CDH13: variants seen among roughly 807,000 people sequenced by gnomAD.
CDH13 encodes cadherin-13.
Under a neutral mutation model 63.8 loss-of-function variants are expected in CDH13, and 24 were observed. The ratio of observed to expected loss-of-function variants is 0.38; its 90% CI spans 0.27 to 0.53. The LOEUF is 0.53. Among genes scored for constraint, CDH13 ranks in the 20% least tolerant of loss-of-function variants. The pLI, the probability that CDH13 is intolerant of heterozygous loss-of-function variation, is 0.85. For missense variants in CDH13, 1,049 were observed against 903.1 expected (o/e 1.16, Z -2.07); for synonymous variants, 503 against 355.3 (o/e 1.42, Z -4.67).
intron 1 of CDH13, among the ~76,000 whole-genome samples, chr16:82,701,995 T>C (rs1336807259): frequency 6.6e-6 from 1 of 152,156 alleles, no homozygotes; most frequent in East Asian, 1.9e-4. Flanking sequence ...ATAAGCGGCT[T>C]ACAAAGAGCA....
intron 1 of CDH13, among the ~76,000 whole-genome samples, chr16:82,787,221 T>C (rs2036059590): frequency 6.6e-6 from 1 of 152,190 alleles, no homozygotes; most frequent in Admixed American, 6.5e-5. Context: ...TCTAAACTTT[T>C]TAAATAATTG....
intron 2 of CDH13, among the ~76,000 whole-genome samples, chr16:82,863,868 C>G (rs2040032737): frequency 6.8e-6 from 1 of 146,902 alleles, no homozygotes; most frequent in Admixed American, 6.9e-5. Flanking sequence ...TTTTTTAAAT[C>G]CTAGATTGAT....
intron 3 of CDH13, among the ~76,000 whole-genome samples, chr16:83,107,617 G>A (rs977547474): frequency 1.4e-4 from 22 of 152,086 alleles, no homozygotes; most frequent in Admixed American, 1.3e-3. Context: ...TCAGTGCAAT[G>A]AGCATTCACA....
intron 10 of CDH13, among the ~76,000 whole-genome samples, chr16:83,707,548 C>G (rs1336977359): frequency 6.6e-6 from 1 of 152,122 alleles, no homozygotes; most frequent in Non-Finnish European, 1.5e-5. Flanking sequence ...TTTTACCATT[C>G]ACTTTAAAAC....
Position 83,748,083 on chromosome 16 carries a change from C to G in CDH13, c.1539-25C>G, listed in dbSNP as rs780052062. The G allele has an allele frequency of 1.9e-5, 31 of 1,613,382 alleles. No homozygotes were observed. The East Asian group carries it at 6.9e-4, about 36-fold the overall frequency. ...CTTGAATCTACTTTGAATGCAGAGT[C>G]TGACATTGTGGGGATTTTTTTCAGG... On this transcript the variant is annotated intron_variant, in intron 10 of 13. Coordinates refer to ENST00000567109, the MANE Select transcript of CDH13 (RefSeq NM_001257.5).
chr16:82,868,308 T>C (rs1270890119), intron 2 of CDH13, among the ~76,000 whole-genome samples: 1 of 152,214 alleles, frequency 6.6e-6, no homozygotes, highest in African/African-American at 2.4e-5. Flanking sequence ...AGTAGAAATG[T>C]TATGCTTTCA....
At chr16:83,313,032 T>A (rs927553402) in intron 5 of CDH13, among the ~76,000 whole-genome samples, 1 of 152,174 alleles carries the variant, frequency 6.6e-6, no homozygotes, top group Non-Finnish European at 1.5e-5. Flanking sequence ...GCATGGGGAA[T>A]CAGCACCCAC....
chr16:83,427,034 C>T (rs894245499), intron 6 of CDH13, among the ~76,000 whole-genome samples: 1 of 143,192 alleles, frequency 7.0e-6, no homozygotes, highest in Non-Finnish European at 1.5e-5. Flanking sequence ...TCACGCCATT[C>T]TCCTGCCTTA....
chr16:83,030,880 C>T (rs887704820), intron 2 of CDH13, among the ~76,000 whole-genome samples: 1 of 151,828 alleles, frequency 6.6e-6, no homozygotes, highest in Non-Finnish European at 1.5e-5. Flanking sequence ...TCTAGATTCC[C>T]ACCATCCCTG....
At chr16:83,591,355 T>A (rs1030486098) in intron 7 of CDH13, among the ~76,000 whole-genome samples, 4 of 152,256 alleles carry the variant, frequency 2.6e-5, no homozygotes, top group African/African-American at 7.2e-5. Flanking sequence ...AATTACTTTT[T>A]ATTTTACTTC....
intron 2 of CDH13, among the ~76,000 whole-genome samples, chr16:83,029,347 A>G (rs987473245): frequency 5.9e-5 from 9 of 152,200 alleles, no homozygotes; most frequent in South Asian, 2.1e-4. Flanking sequence ...TTGTTACCAA[A>G]AGATGTACAC....
intron 3 of CDH13, among the ~76,000 whole-genome samples, chr16:83,082,531 G>C (rs1401472891): frequency 6.6e-6 from 1 of 152,068 alleles, no homozygotes; most frequent in Non-Finnish European, 1.5e-5. Context: ...TATTTGGAAG[G>C]CTGAGGCAGG....
chr16:83,507,426 C>T (rs570895765), intron 7 of CDH13, among the ~76,000 whole-genome samples: 2 of 152,252 alleles, frequency 1.3e-5, no homozygotes, highest in South Asian at 2.1e-4. Flanking sequence ...ATTTTCAAAG[C>T]ATATTTGGCT....
chr16:82,694,029 C>T (rs1273178410), intron 1 of CDH13, among the ~76,000 whole-genome samples: 1 of 152,218 alleles, frequency 6.6e-6, no homozygotes, highest in Non-Finnish European at 1.5e-5. Flanking sequence ...TCAATGTCCA[C>T]ATCTGGATTA....
In CDH13 at chr16:83,504,980, G is replaced by T. The variant is rs143727076; in HGVS notation, c.960+18325G>T. On this transcript the variant is annotated intron_variant, in intron 7 of 13. Transcript: ENST00000567109. ...TAAATCTCCTTTCTCTGTAAAAATGGTTAAGAGGAGTGAAAAGAGAGGATG... is the reference window on the plus strand; with the variant it reads ...TAAATCTCCTTTCTCTGTAAAAATGTTTAAGAGGAGTGAAAAGAGAGGATG... Among the ~76,000 whole-genome samples, 549 of 152,154 alleles carry T rather than the reference G, an allele frequency of 3.6e-3. 4 individuals carry two copies. Among genetic ancestry groups the T allele is most frequent in the African/African-American group, 0.013 (531 of 41,504 alleles).
At chr16:83,564,609 A>G (rs1332863963) in intron 7 of CDH13, among the ~76,000 whole-genome samples, 1 of 152,062 alleles carries the variant, frequency 6.6e-6, no homozygotes, top group African/African-American at 2.4e-5. Context: ...GGGTTTCACC[A>G]TGTTGGCCAG....
chr16:83,266,417 G>A (rs551357295), intron 5 of CDH13, among the ~76,000 whole-genome samples: 3 of 152,192 alleles, frequency 2.0e-5, no homozygotes, highest in African/African-American at 7.2e-5. Context: ...AATTGAAATT[G>A]TAGCCATTGT....
chr16:83,161,075 G>A (rs72800240), intron 4 of CDH13, among the ~76,000 whole-genome samples: 15,818 of 152,112 alleles, frequency 0.1, 901 homozygotes, highest in Middle Eastern at 0.21. Flanking sequence ...GTTCTTATAC[G>A]TCATACATGA....
chr16:83,742,848 C>T (rs1912195001), intron 10 of CDH13, among the ~76,000 whole-genome samples: 1 of 152,224 alleles, frequency 6.6e-6, no homozygotes, highest in Non-Finnish European at 1.5e-5. Flanking sequence ...GCAAGCTGTC[C>T]TTCCAGGGCA....
Sources: gnomAD v4.1 joint callset for allele counts (sites outside exome capture counted in the v4.1 genomes callset) on GRCh38, gnomAD v4.1.1 for gene constraint, MANE v1.5 for transcripts, NCBI Gene and HGNC (gene_info 2026-07-23, HGNC 2026-07-21) for gene names.